TMEM163: variants seen among roughly 807,000 people sequenced by gnomAD.
TMEM163 encodes transmembrane protein 163.
Under a neutral mutation model 29.3 loss-of-function variants are expected in TMEM163, and 17 were observed. The observed-to-expected ratio is 0.58, with a 90% CI of 0.40 to 0.87. The LOEUF is 0.87. Ranked by LOEUF, TMEM163 falls within the 40% of genes least tolerant of loss-of-function variation. The probability of loss-of-function intolerance (pLI) is 0.00; values close to 1 mark genes in which losing one functional copy is unlikely to be tolerated. For missense variants in TMEM163, 303 were observed against 381.5 expected, an observed-to-expected ratio of 0.79 and a Z score of 1.71; for synonymous variants, 157 against 160.6, an observed-to-expected ratio of 0.98 and a Z score of 0.17.
chr2:134,675,009 A>G (rs1161558641), intron 2 of TMEM163, among the ~76,000 whole-genome samples: 1 of 152,198 alleles, frequency 6.6e-6, no homozygotes, highest in Non-Finnish European at 1.5e-5. Flanking sequence ...GTGTACTCCC[A>G]TGGCAAAGCT....
chr2:134,674,497 G>A (rs1426699121), intron 2 of TMEM163, among the ~76,000 whole-genome samples: 12 of 86,864 alleles, frequency 1.4e-4, no homozygotes, highest in South Asian at 5.7e-4. Flanking sequence ...GCGCGCGCGC[G>A]CGCGCGCGCG....
chr2:134,625,458 G>A (rs1489940984), intron 2 of TMEM163, among the ~76,000 whole-genome samples: 1 of 152,216 alleles, frequency 6.6e-6, no homozygotes, highest in Non-Finnish European at 1.5e-5. Context: ...TTCCATCAGG[G>A]AGAGGAGCGG....
intron 4 of TMEM163, among the ~76,000 whole-genome samples, chr2:134,547,060 C>A (rs1192295659): frequency 6.6e-6 from 1 of 152,046 alleles, no homozygotes; most frequent in Non-Finnish European, 1.5e-5. Context: ...GGGAGTTGTT[C>A]AATGGGTAGC....
rs138340616 is a variant in TMEM163, at chr2:134,616,387, C to T, written c.323-64296G>A. ...CCAATGGGAGATCTTTAGGCATCCA[C>T]TTTTGAGTACTGATTTGCCTCCTCC... On this transcript the variant is annotated intron_variant, in intron 2 of 7. Transcript: ENST00000281924. Among the ~76,000 whole-genome samples, 725 of 152,306 alleles carry T rather than the reference C, an allele frequency of 4.8e-3. 10 individuals carry two copies. The East Asian group carries it at 0.052, about 11-fold the overall frequency.
At chr2:134,470,727 CA>C (rs1362708199) in intron 5 of TMEM163, among the ~76,000 whole-genome samples, 1 of 152,200 alleles carries the variant, frequency 6.6e-6, no homozygotes, top group Non-Finnish European at 1.5e-5. Context: ...CTCCCAAAAC[CA>C]GCTTTCAATG....
intron 2 of TMEM163, among the ~76,000 whole-genome samples, chr2:134,688,864 G>C (rs1684399901): frequency 6.6e-6 from 1 of 152,122 alleles, no homozygotes; most frequent in Admixed American, 6.5e-5. Flanking sequence ...GCCACATGTA[G>C]GTACTGAGTA....
chr2:134,604,473 T>A (rs766638122), intron 2 of TMEM163, among the ~76,000 whole-genome samples: 1 of 151,936 alleles, frequency 6.6e-6, no homozygotes, highest in Non-Finnish European at 1.5e-5. Context: ...AGCAAGACAT[T>A]TTCTCTAGGT....
intron 2 of TMEM163, among the ~76,000 whole-genome samples, chr2:134,640,012 T>C (rs909511407): frequency 6.6e-6 from 1 of 152,172 alleles, no homozygotes; most frequent in Non-Finnish European, 1.5e-5. Context: ...CAGAGTATAG[T>C]TTATCTAAGA....
chr2:134,462,907 G>A (rs1686580765), intron 6 of TMEM163, among the ~76,000 whole-genome samples: 1 of 152,202 alleles, frequency 6.6e-6, no homozygotes. Context: ...ACAGCCAGGT[G>A]TCCAGCGAAT....
chr2:134,531,097 A>G (rs1680406731), intron 4 of TMEM163, among the ~76,000 whole-genome samples: 1 of 152,172 alleles, frequency 6.6e-6, no homozygotes, highest in South Asian at 2.1e-4. Context: ...GCCCCCTTTT[A>G]AAAGGCCACT....
chr2:134,496,484 C>G (rs1292600117), intron 5 of TMEM163, among the ~76,000 whole-genome samples: 1 of 152,192 alleles, frequency 6.6e-6, no homozygotes, highest in African/African-American at 2.4e-5. Flanking sequence ...CCAGCCTGGC[C>G]TCAAGAGCAG....
At chr2:134,517,966 C>A (rs1432766775) in intron 4 of TMEM163, among the ~76,000 whole-genome samples, 1 of 151,714 alleles carries the variant, frequency 6.6e-6, no homozygotes, top group South Asian at 2.1e-4. Flanking sequence ...AAAAAATGCA[C>A]CATGTTTTTG....
chr2:134,648,646 T>C (rs978134741), intron 2 of TMEM163, among the ~76,000 whole-genome samples: 1 of 152,176 alleles, frequency 6.6e-6, no homozygotes, highest in African/African-American at 2.4e-5. Context: ...TACTTTTCTA[T>C]TTGAATTGTA....
chr2:134,553,179 C>G (rs1255290074), intron 2 of TMEM163, among the ~76,000 whole-genome samples: 1 of 152,186 alleles, frequency 6.6e-6, no homozygotes, highest in Non-Finnish European at 1.5e-5. Flanking sequence ...TGTTCCCAGG[C>G]CTACGTTCTG....
intron 5 of TMEM163, among the ~76,000 whole-genome samples, chr2:134,487,919 A>G (rs1030288304): frequency 6.6e-6 from 1 of 152,158 alleles, no homozygotes; most frequent in Admixed American, 6.5e-5. Context: ...ATACAGGTAT[A>G]TATCTTCATG....
chr2:134,688,212 A>G (rs2104880863), intron 2 of TMEM163, among the ~76,000 whole-genome samples: 1 of 152,290 alleles, frequency 6.6e-6, no homozygotes, highest in South Asian at 2.1e-4. Context: ...GTTCTGCTTC[A>G]GTTATGTGCC....
chr2:134,543,108 A>C (rs933374594), intron 4 of TMEM163, among the ~76,000 whole-genome samples: 2 of 152,010 alleles, frequency 1.3e-5, no homozygotes, highest in African/African-American at 4.8e-5. Flanking sequence ...TTTTACGGGG[A>C]CACAATTTAG....
intron 2 of TMEM163, among the ~76,000 whole-genome samples, chr2:134,599,222 T>C (rs1354063837): frequency 1.3e-5 from 2 of 152,148 alleles, no homozygotes; most frequent in African/African-American, 4.8e-5. Flanking sequence ...GTTCAATTCA[T>C]AGCTCCTGCC....
chr2:134,596,639 A>G (rs1293761333), intron 2 of TMEM163, among the ~76,000 whole-genome samples: 2 of 152,180 alleles, frequency 1.3e-5, no homozygotes, highest in East Asian at 3.8e-4. Context: ...GTTTTTTCCA[A>G]TTCTGTGAAG....
Sources: gnomAD v4.1 joint callset for allele counts (sites outside exome capture counted in the v4.1 genomes callset) on GRCh38, gnomAD v4.1.1 for gene constraint, MANE v1.5 for transcripts, NCBI Gene and HGNC (gene_info 2026-07-23, HGNC 2026-07-21) for gene names.